MARCHF1: variants seen among roughly 807,000 people sequenced by gnomAD.
MARCHF1 encodes the protein membrane associated ring-CH-type finger 1.
In MARCHF1, 40 loss-of-function variants were observed where a neutral mutation model predicts 54.2. The observed-to-expected ratio is 0.74, with a 90% confidence interval of 0.57 to 0.96. The LOEUF (loss-of-function observed/expected upper bound fraction) is 0.96, where lower values mean the gene tolerates loss of function less well. MARCHF1 is among the 40% of genes least tolerant of loss of function. MARCHF1 has a pLI of 0.00. For missense variants in MARCHF1, 586 were observed against 656.5 expected, an observed-to-expected ratio of 0.89 and a Z score of 1.17; for synonymous variants, 236 against 236.3, an observed-to-expected ratio of 1.00 and a Z score of 0.01.
intron 3 of MARCHF1, among the ~76,000 whole-genome samples, chr4:163,925,212 G>A (rs1751511903): frequency 6.6e-6 from 1 of 150,726 alleles, no homozygotes; most frequent in African/African-American, 2.4e-5. Context: ...TCAAGAGAGG[G>A]AAGGAAAAGA....
At chr4:163,818,083 C>T (rs1328665507) in intron 4 of MARCHF1, among the ~76,000 whole-genome samples, 1 of 151,308 alleles carries the variant, frequency 6.6e-6, no homozygotes, top group East Asian at 1.9e-4. Context: ...GCACATTGTG[C>T]ACATGTACCC....
chr4:164,382,886 CA>C (rs1051123675), intron 1 of MARCHF1, among the ~76,000 whole-genome samples: 1 of 152,112 alleles, frequency 6.6e-6, no homozygotes, highest in Non-Finnish European at 1.5e-5. Flanking sequence ...ATTTTGATCT[CA>C]AAAATGTTTA....
At chr4:163,767,203 T>C (rs559218130) in intron 4 of MARCHF1, among the ~76,000 whole-genome samples, 41 of 151,406 alleles carry the variant, frequency 2.7e-4, no homozygotes, top group African/African-American at 9.9e-4. Context: ...CTCATTCCCA[T>C]GGGAAGAAAA....
intron 4 of MARCHF1, among the ~76,000 whole-genome samples, chr4:163,706,642 T>G (rs998896822): frequency 6.6e-6 from 1 of 151,960 alleles, no homozygotes; most frequent in Non-Finnish European, 1.5e-5. Context: ...GGAAGATAAT[T>G]TTCTAATATA....
At chr4:163,778,553 T>C (rs1396518185) in intron 4 of MARCHF1, among the ~76,000 whole-genome samples, 7 of 152,216 alleles carry the variant, frequency 4.6e-5, no homozygotes, top group Admixed American at 4.6e-4. Flanking sequence ...CTGGGAACTA[T>C]GTGTCTTCTT....
chr4:163,788,135 A>T (rs1747672681), intron 4 of MARCHF1, among the ~76,000 whole-genome samples: 1 of 151,918 alleles, frequency 6.6e-6, no homozygotes, highest in South Asian at 2.1e-4. Context: ...AAAGTTAGAG[A>T]TCTGCTGCAC....
At chr4:164,223,722 C>G (rs1204584644) in intron 1 of MARCHF1, among the ~76,000 whole-genome samples, 2 of 151,704 alleles carry the variant, frequency 1.3e-5, no homozygotes, top group Non-Finnish European at 2.9e-5. Context: ...TCCTTACTGT[C>G]TTTGCTACCA....
chr4:163,875,493 T>C (rs761638917), intron 3 of MARCHF1, among the ~76,000 whole-genome samples: 18 of 151,904 alleles, frequency 1.2e-4, no homozygotes, highest in Non-Finnish European at 1.8e-4. Context: ...TTACATTCCC[T>C]GCCACAACAT....
chr4:163,743,091 T>C (rs753209942), intron 4 of MARCHF1, among the ~76,000 whole-genome samples: 1 of 152,184 alleles, frequency 6.6e-6, no homozygotes, highest in Non-Finnish European at 1.5e-5. Context: ...AGCATTTGCT[T>C]TAAACAATAT....
chr4:163,653,085 A>G (rs1446921353), intron 5 of MARCHF1, among the ~76,000 whole-genome samples: 1 of 151,782 alleles, frequency 6.6e-6, no homozygotes, highest in Non-Finnish European at 1.5e-5. Flanking sequence ...GTCATTGGTG[A>G]TGGAGGTCAC....
chr4:163,817,353 A>T (rs952866821), intron 4 of MARCHF1, among the ~76,000 whole-genome samples: 3 of 151,690 alleles, frequency 2.0e-5, no homozygotes, highest in Non-Finnish European at 4.4e-5. Flanking sequence ...ACATATACAC[A>T]TATACATACA....
rs547869432 is a variant in MARCHF1, at chr4:163,657,635, G to A, written c.162+43178C>T. 6.6e-5 allele frequency among the ~76,000 whole-genome samples: 10 copies of A among 152,152 alleles called. No homozygotes were observed. The South Asian group carries it at 1.2e-3, about 19-fold the overall frequency. ...CTAGGCAAAAAGAACAAAGCTGGAG[G>A]CATCGTGCTTCTGGACTTCAAACTA... On this transcript the variant is annotated intron_variant, in intron 5 of 9. Coordinates refer to ENST00000514618, the MANE Select transcript of MARCHF1 (RefSeq NM_001394959.1).
chr4:164,211,385 T>C, intron 1 of MARCHF1, among the ~76,000 whole-genome samples: 1 of 148,624 alleles, frequency 6.7e-6, no homozygotes, highest in South Asian at 2.1e-4. Context: ...TTTGTATATA[T>C]ATACACACAC....
At chr4:163,819,117 T>A (rs1162148232) in intron 4 of MARCHF1, among the ~76,000 whole-genome samples, 2 of 152,118 alleles carry the variant, frequency 1.3e-5, no homozygotes, top group Admixed American at 1.3e-4. Flanking sequence ...CAGCTTGGAG[T>A]TGCCATTTTC....
At chr4:163,905,584 T>C (rs1751047651) in intron 3 of MARCHF1, among the ~76,000 whole-genome samples, 1 of 152,066 alleles carries the variant, frequency 6.6e-6, no homozygotes, top group Admixed American at 6.6e-5. Flanking sequence ...GAAGGGATAG[T>C]TCTGCTATGA....
chr4:163,991,735 A>G (rs1752970457), intron 2 of MARCHF1, among the ~76,000 whole-genome samples: 1 of 152,190 alleles, frequency 6.6e-6, no homozygotes, highest in South Asian at 2.1e-4. Flanking sequence ...ACTATGGACT[A>G]TAATTACTGT....
chr4:163,591,253 TTCC>T (rs375201543), intron 7 of MARCHF1, among the ~76,000 whole-genome samples: 2 of 152,084 alleles, frequency 1.3e-5, no homozygotes, highest in South Asian at 2.1e-4. Context: ...CTTTGAGAAT[TTCC>T]TCAAGTATGT....
chr4:164,101,776 G>A (rs1188244625), intron 2 of MARCHF1, among the ~76,000 whole-genome samples: 4 of 148,810 alleles, frequency 2.7e-5, no homozygotes, highest in Non-Finnish European at 6.0e-5. Flanking sequence ...TGACTTTGAC[G>A]AGCTGAGAGA....
At chr4:163,928,328 G>A (rs1751583053) in intron 3 of MARCHF1, among the ~76,000 whole-genome samples, 1 of 151,828 alleles carries the variant, frequency 6.6e-6, no homozygotes, top group Non-Finnish European at 1.5e-5. Flanking sequence ...CCTCCCAGTA[G>A]CTAGACAAAA....
Sources: gnomAD v4.1 joint callset for allele counts (sites outside exome capture counted in the v4.1 genomes callset) on GRCh38, gnomAD v4.1.1 for gene constraint, MANE v1.5 for transcripts, NCBI Gene and HGNC (gene_info 2026-07-23, HGNC 2026-07-21) for gene names.